The following NTM variants were observed in gnomAD, a reference collection of about 807,000 sequenced individuals.
NTM encodes the protein neurotrimin, also known as IgLON family member 2.
A neutral mutation model predicts 42.1 loss-of-function variants in NTM; 13 were observed. The ratio of observed to expected loss-of-function variants is 0.31; its 90% confidence interval spans 0.20 to 0.49. The LOEUF is 0.49. Ranked by LOEUF, NTM falls within the 20% of genes least tolerant of loss-of-function variation. The probability of loss-of-function intolerance (pLI) is 0.99; values close to 1 mark genes in which losing one functional copy is unlikely to be tolerated. For synonymous variants in NTM, 187 were observed against 179.2 expected, an observed-to-expected ratio of 1.04 and a Z score of -0.35; for missense variants, 373 against 452.8, an observed-to-expected ratio of 0.82 and a Z score of 1.60.
intron 1 of NTM, among the ~76,000 whole-genome samples, chr11:131,380,872 A>T (rs1258973759): frequency 6.6e-6 from 1 of 152,230 alleles, no homozygotes; most frequent in African/African-American, 2.4e-5. Context: ...GCCTGACCTC[A>T]GAACTTACCC....
intron 4 of NTM, among the ~76,000 whole-genome samples, chr11:132,231,841 A>G (rs1399694848): frequency 7.2e-6 from 1 of 139,732 alleles, no homozygotes; most frequent in Non-Finnish European, 1.5e-5. Flanking sequence ...TAATATCAAG[A>G]TGCTGCTGGC....
chr11:132,076,059 G>T (rs1044665808), intron 2 of NTM, among the ~76,000 whole-genome samples: 3 of 152,108 alleles, frequency 2.0e-5, no homozygotes, highest in African/African-American at 7.2e-5. Context: ...ATGCTAAATA[G>T]CTGTATTAAT....
chr11:131,495,383 G>A (rs188034509), intron 1 of NTM, among the ~76,000 whole-genome samples: 4 of 152,308 alleles, frequency 2.6e-5, no homozygotes, highest in Non-Finnish European at 4.4e-5. Flanking sequence ...GAATGCACAC[G>A]TCCTTGGCTG....
chr11:131,550,586 A>C (rs1224802539), intron 1 of NTM, among the ~76,000 whole-genome samples: 1 of 151,982 alleles, frequency 6.6e-6, no homozygotes, highest in African/African-American at 2.4e-5. Flanking sequence ...CATGATTGTT[A>C]ATTTTCTGAA....
At chr11:132,092,326 T>C (rs2136423782) in intron 2 of NTM, among the ~76,000 whole-genome samples, 1 of 152,346 alleles carries the variant, frequency 6.6e-6, no homozygotes, top group Admixed American at 6.5e-5. Context: ...TTCCTCAGAG[T>C]GCCTGGCCTC....
At chr11:131,992,954 C>CTAA (rs2135140635) in intron 2 of NTM, among the ~76,000 whole-genome samples, 2 of 152,268 alleles carry the variant, frequency 1.3e-5, no homozygotes, top group South Asian at 4.1e-4. Flanking sequence ...GTGCCTCATA[C>CTAA]TAACTTCTGG....
At chr11:131,572,737 G>A (rs758283691) in intron 1 of NTM, among the ~76,000 whole-genome samples, 9 of 152,190 alleles carry the variant, frequency 5.9e-5, no homozygotes, top group Non-Finnish European at 1.2e-4. Flanking sequence ...ATTAAGGTGT[G>A]GCGTGATTTG....
intron 4 of NTM, among the ~76,000 whole-genome samples, chr11:132,292,729 G>GGGA (rs1471517768): frequency 6.9e-6 from 1 of 145,744 alleles, no homozygotes; most frequent in Non-Finnish European, 1.5e-5. Context: ...GTATTTTCCA[G>GGGA]GGAGAGAGAA....
chr11:132,068,225 T>G (rs1323102823), intron 2 of NTM, among the ~76,000 whole-genome samples: 1 of 152,228 alleles, frequency 6.6e-6, no homozygotes, highest in East Asian at 1.9e-4. Context: ...AATTTCTAAA[T>G]CAAGGGTCTT....
intron 1 of NTM, among the ~76,000 whole-genome samples, chr11:131,524,506 G>T (rs2050193182): frequency 6.6e-6 from 1 of 152,092 alleles, no homozygotes; most frequent in South Asian, 2.1e-4. Context: ...AATCCACCAG[G>T]GTCATGCTCT....
chr11:131,554,531 C>T (rs992802029), intron 1 of NTM, among the ~76,000 whole-genome samples: 2 of 146,134 alleles, frequency 1.4e-5, no homozygotes, highest in African/African-American at 2.6e-5. Flanking sequence ...CACACACACA[C>T]ACACACACAT....
chr11:132,306,774 C>T (rs1446442582), intron 4 of NTM, among the ~76,000 whole-genome samples: 1 of 152,068 alleles, frequency 6.6e-6, no homozygotes, highest in South Asian at 2.1e-4. Flanking sequence ...GGGATGTAAG[C>T]CCTAACTTTT....
intron 2 of NTM, among the ~76,000 whole-genome samples, chr11:132,042,622 G>A (rs762732600): frequency 1.3e-5 from 2 of 152,152 alleles, no homozygotes; most frequent in Non-Finnish European, 2.9e-5. Context: ...TTTGAGCTTA[G>A]AGCTGGGAAC....
chr11:131,941,663 G>A (rs1009311338), intron 2 of NTM, among the ~76,000 whole-genome samples: 1 of 152,206 alleles, frequency 6.6e-6, no homozygotes, highest in Non-Finnish European at 1.5e-5. Context: ...CCACAAGCCC[G>A]TGAGGTGTCA....
chr11:132,326,818 C>T (rs532881825), intron 7 of NTM, among the ~76,000 whole-genome samples: 2 of 152,216 alleles, frequency 1.3e-5, no homozygotes, highest in African/African-American at 2.4e-5. Context: ...TGCTAGTCTT[C>T]GATACAATAG....
At chr11:131,429,520 G>GA (rs1948479092) in intron 1 of NTM, among the ~76,000 whole-genome samples, 2 of 151,970 alleles carry the variant, frequency 1.3e-5, no homozygotes, top group East Asian at 1.9e-4. Context: ...TGATGCTTGT[G>GA]AAAAAAATAA....
intron 1 of NTM, among the ~76,000 whole-genome samples, chr11:131,467,225 A>C (rs1448357): frequency 0.11 from 16,303 of 152,266 alleles, 1,835 homozygotes; most frequent in East Asian, 0.54. Flanking sequence ...CAAGAGGGGT[A>C]AGAAGGAGAG....
chr11:132,170,869 G>T (rs77910409), intron 3 of NTM, among the ~76,000 whole-genome samples: 5 of 152,142 alleles, frequency 3.3e-5, no homozygotes, highest in South Asian at 4.1e-4. Flanking sequence ...AGTGATAAAT[G>T]GTCCTTGACC....
chr11:132,263,142 A>G (rs536740092), intron 4 of NTM, among the ~76,000 whole-genome samples: 1 of 152,194 alleles, frequency 6.6e-6, no homozygotes, highest in Non-Finnish European at 1.5e-5. Context: ...GTGGGGTGGC[A>G]GTCCTGCGCC....
Sources: allele counts gnomAD v4.1 joint callset (sites outside exome capture counted in the v4.1 genomes callset), GRCh38; gene constraint gnomAD v4.1.1; transcripts MANE v1.5; gene names NCBI Gene and HGNC (gene_info 2026-07-23, HGNC 2026-07-21).